Variants in ZBTB8OS observed in about 807,000 individuals in gnomAD.
ZBTB8OS encodes tRNA splicing ligase complex subunit 1.
In ZBTB8OS, 16 loss-of-function variants were observed where a neutral mutation model predicts 29.3. The ratio of observed to expected loss-of-function variants is 0.55; its 90% confidence interval spans 0.37 to 0.83. ZBTB8OS has a LOEUF of 0.83. Among genes scored for constraint, ZBTB8OS ranks in the 40% least tolerant of loss-of-function variants. ZBTB8OS has a pLI of 0.00. For synonymous variants in ZBTB8OS, 70 were observed against 64.6 expected (o/e 1.08, Z -0.40); for missense variants, 160 against 196.9 (o/e 0.81, Z 1.12).
At chr1:32,638,546 T>C (rs114889708) in intron 1 of ZBTB8OS, among the ~76,000 whole-genome samples, 2,332 of 152,224 alleles carry the variant, frequency 0.015, 27 homozygotes, top group Middle Eastern at 0.024. Context: ...TTTGTTAATA[T>C]GGGTTATATC....
intron 1 of ZBTB8OS, among the ~76,000 whole-genome samples, chr1:32,636,849 C>A (rs1448395969): frequency 6.6e-6 from 1 of 151,936 alleles, no homozygotes; most frequent in Non-Finnish European, 1.5e-5. Context: ...CCCAAATTTC[C>A]TTTCTTAGAG....
chr1:32,640,666 C>G (rs1333085925), intron 1 of ZBTB8OS, among the ~76,000 whole-genome samples: 2 of 151,998 alleles, frequency 1.3e-5, no homozygotes, highest in Admixed American at 1.3e-4. Context: ...CAGACACGCA[C>G]CACCACACCT....
At chr1:32,634,447 G>A (rs1191741176) in intron 2 of ZBTB8OS, 3 of 383,674 alleles carry the variant, frequency 7.8e-6, no homozygotes, top group South Asian at 5.8e-5. Flanking sequence ...GGCTGGTCTC[G>A]AACTCCTGAC....
chr1:32,631,874 C>A lies in ZBTB8OS; in HGVS notation c.333G>T (p.Val111=). The A allele has an allele frequency of 6.4e-7, 1 of 1,573,064 alleles. No individual in the cohort carries two copies. Among genetic ancestry groups the A allele is most frequent in the Non-Finnish European group, 8.6e-7 (1 of 1,158,840 alleles). Residue 111 remains valine (V), a synonymous_variant, in exon 5 of 7, where the codon GTG becomes GTT. Coordinates refer to ENST00000468695, the MANE Select transcript of ZBTB8OS (RefSeq NM_178547.5). ...SADEFFIPRE[V]KVLSIDQRNF... is the part of the protein sequence containing the mutation. ...TTCTTTGATCAATGCTAAGTACTTT[C>A]ACTTCCTAGACAGGAAGAAAAATTT...
At chr1:32,628,399 G>A (rs555840490) in intron 5 of ZBTB8OS, among the ~76,000 whole-genome samples, 50 of 152,100 alleles carry the variant, frequency 3.3e-4, no homozygotes, top group Middle Eastern at 3.4e-3. Flanking sequence ...CACTTTGGGA[G>A]GCCGAGGTAG....
intron 6 of ZBTB8OS, among the ~76,000 whole-genome samples, chr1:32,624,778 C>A (rs187402381): frequency 6.6e-6 from 1 of 151,578 alleles, no homozygotes; most frequent in African/African-American, 2.4e-5. Context: ...CCTGTAATCC[C>A]AGCTACTCAG....
chr1:32,628,730 G>A (rs985358711), intron 5 of ZBTB8OS, among the ~76,000 whole-genome samples: 1 of 151,932 alleles, frequency 6.6e-6, no homozygotes. Flanking sequence ...GAATCCAGGA[G>A]TTCAAGACCA....
At position 32,621,716 on chromosome 1, in the gene ZBTB8OS, G is replaced by T; in HGVS notation, c.*146C>A. 1.5e-6 allele frequency: 1 copy of T among 649,668 alleles called. No individual in the cohort carries two copies. The highest frequency in any genetic ancestry group is 2.6e-6 in the Non-Finnish European group (1 of 382,450). 40.2% of individuals were successfully genotyped at this position (649,668 alleles called of 1,614,324 possible). The stretch of plus-strand genomic sequence containing the variant: ...GGCTGTGCCCTGATTTTCCCTTTCT[G>T]AAAGTCACACTTTAACTAAAATATT... On this transcript the variant is annotated 3_prime_UTR_variant, in exon 7 of 7. Coordinates refer to ENST00000468695, the MANE Select transcript of ZBTB8OS (RefSeq NM_178547.5).
upstream of ZBTB8OS, chr1:32,650,577 C>T (rs748914743): frequency 6.2e-7 from 1 of 1,613,874 alleles, no homozygotes. Flanking sequence ...CACCGGACTT[C>T]GGCCCGGAGT....
At chr1:32,641,223 A>T (rs1475155858) in intron 1 of ZBTB8OS, among the ~76,000 whole-genome samples, 1 of 149,842 alleles carries the variant, frequency 6.7e-6, no homozygotes, top group Non-Finnish European at 1.5e-5. Flanking sequence ...AAAGTGTTCC[A>T]TGAAAAACGG....
chr1:32,647,065 A>AAAAAAAAT (rs1646901581), intron 1 of ZBTB8OS, among the ~76,000 whole-genome samples: 1 of 137,878 alleles, frequency 7.3e-6, no homozygotes, highest in Non-Finnish European at 1.5e-5. Context: ...AAAAAAAAAA[A>AAAAAAAAT]AAAAAAAATG....
chr1:32,627,024 C>G (rs953528989), intron 6 of ZBTB8OS, among the ~76,000 whole-genome samples: 2 of 152,186 alleles, frequency 1.3e-5, no homozygotes, highest in Non-Finnish European at 2.9e-5. Flanking sequence ...AACAGAAGCA[C>G]TGAGTAGCTG....
intron 6 of ZBTB8OS, among the ~76,000 whole-genome samples, chr1:32,625,442 G>A (rs1645054659): frequency 1.3e-5 from 2 of 152,198 alleles, no homozygotes; most frequent in South Asian, 2.1e-4. Flanking sequence ...GCTGAGGCAG[G>A]AGAATCGCTT....
chr1:32,632,663 A>C (rs1162685465), intron 4 of ZBTB8OS, among the ~76,000 whole-genome samples: 1 of 152,202 alleles, frequency 6.6e-6, no homozygotes, highest in Non-Finnish European at 1.5e-5. Context: ...CAAGGAAATA[A>C]GTTTTTTCTT....
At chr1:32,622,761 T>TA (rs57310270) in intron 6 of ZBTB8OS, among the ~76,000 whole-genome samples, 64 of 142,972 alleles carry the variant, frequency 4.5e-4, no homozygotes, top group Middle Eastern at 3.5e-3. Flanking sequence ...TGAGGATGAT[T>TA]AAAAAAAAAA....
chr1:32,650,510 T>A lies in ZBTB8OS; in HGVS notation c.20A>T (p.Asp7Val). The A allele has an allele frequency of 1.2e-6, 2 of 1,614,180 alleles. No individual in the cohort carries two copies. Among genetic ancestry groups the A allele is most frequent in the Non-Finnish European group, 1.7e-6 (2 of 1,180,034 alleles). ...TTCAGTCAAATTGTAATCTCTAACA[T>A]CTTCCTCTTCCTGCGCCATGACTGC... is the stretch of plus-strand genomic sequence containing the variant. MAQEEEDVRDYNLTEEQ... is the reference protein window; with the variant it reads MAQEEEVVRDYNLTEEQ... The change falls in exon 1 of 7, where the codon GAT (aspartate) becomes GTT (valine). Residue 7 changes from aspartate (D) to valine (V), a missense_variant. By Grantham distance (152) the Asp-to-Val change is radical. Coordinates refer to ENST00000468695, the MANE Select transcript of ZBTB8OS (RefSeq NM_178547.5).
At chr1:32,648,104 A>G (rs1425271557) in intron 1 of ZBTB8OS, among the ~76,000 whole-genome samples, 2 of 152,242 alleles carry the variant, frequency 1.3e-5, no homozygotes, top group Non-Finnish European at 2.9e-5. Context: ...AGAATGGGAA[A>G]TACAAATAGC....
At chr1:32,647,510 G>A (rs897692850) in intron 1 of ZBTB8OS, among the ~76,000 whole-genome samples, 3 of 152,018 alleles carry the variant, frequency 2.0e-5, no homozygotes, top group East Asian at 1.9e-4. Context: ...GTACCAGTTG[G>A]TGGCCTGTTA....
intron 1 of ZBTB8OS, among the ~76,000 whole-genome samples, chr1:32,648,001 C>T (rs1646986994): frequency 1.3e-5 from 2 of 151,878 alleles, no homozygotes; most frequent in South Asian, 4.2e-4. Context: ...TGCATAAAAA[C>T]ACTTTCTGCC....
Sources: gnomAD v4.1 joint callset for allele counts (sites outside exome capture counted in the v4.1 genomes callset) on GRCh38, gnomAD v4.1.1 for gene constraint, MANE v1.5 for transcripts, NCBI Gene and HGNC (gene_info 2026-07-23, HGNC 2026-07-21) for gene names.